The following RPS6KA2 variants were observed in gnomAD, a reference collection of about 807,000 sequenced individuals.
The protein encoded by RPS6KA2 is ribosomal protein S6 kinase A2, also known as ribosomal protein S6 kinase alpha-2.
A neutral mutation model predicts 91.8 loss-of-function variants in RPS6KA2; 42 were observed. The ratio of observed to expected loss-of-function variants is 0.46; its 90% CI spans 0.36 to 0.59. The LOEUF (loss-of-function observed/expected upper bound fraction) is 0.59. Ranked by LOEUF, RPS6KA2 falls within the 20% of genes least tolerant of loss-of-function variation. RPS6KA2 has a pLI of 0.00. For synonymous variants in RPS6KA2, 414 were observed against 393.6 expected (o/e 1.05, Z -0.61); for missense variants, 798 against 978.5 (o/e 0.82, Z 2.46).
At chr6:166,595,745 T>A (rs989409391) in intron 1 of RPS6KA2, among the ~76,000 whole-genome samples, 7 of 152,178 alleles carry the variant, frequency 4.6e-5, no homozygotes, top group Non-Finnish European at 7.3e-5. Flanking sequence ...CCTTACATGA[T>A]CTACCAGTCA....
At chr6:166,746,719 G>C (rs1791025537) in intron 2 of RPS6KA2, among the ~76,000 whole-genome samples, 1 of 152,102 alleles carries the variant, frequency 6.6e-6, no homozygotes, top group Non-Finnish European at 1.5e-5. Context: ...TTTGCTTCAA[G>C]TTCCCTCCTT....
chr6:166,569,785 C>T (rs1370548909), intron 1 of RPS6KA2, among the ~76,000 whole-genome samples: 2 of 152,134 alleles, frequency 1.3e-5, no homozygotes, highest in Non-Finnish European at 1.5e-5. Flanking sequence ...AAAGGACACC[C>T]CCCTCGGGAA....
rs745420527 is a variant in RPS6KA2 at position 166,858,198 on chromosome 6, ACTT to A, written c.122_123+1del. ...AGAGTGTAATAAAACGTGTATAGTT[ACTT>A]CTTCTGCAGTGTCTTCTGTGGTGGG... is the stretch of plus-strand genomic sequence containing the variant. On this transcript the variant is annotated splice_donor_variant and coding_sequence_variant, in exon 2 of 22. Coordinates refer to the RPS6KA2 transcript ENST00000503859. LOFTEE classifies it high-confidence loss of function. The A allele has an allele frequency of 6.6e-6, 10 of 1,504,908 alleles. No individual in the cohort carries two copies. Among genetic ancestry groups the A allele is most frequent in the Admixed American group, 1.7e-5 (1 of 59,832 alleles). The allele number at this position is 1,504,908 out of a possible 1,614,324, so 93.2% of individuals were successfully genotyped here.
chr6:166,656,839 C>T (rs776249413), intron 2 of RPS6KA2, among the ~76,000 whole-genome samples: 7 of 152,194 alleles, frequency 4.6e-5, no homozygotes, highest in Non-Finnish European at 1.0e-4. Context: ...AGATTCACCG[C>T]GGTGCATGTG....
intron 11 of RPS6KA2, among the ~76,000 whole-genome samples, chr6:166,468,027 G>A (rs141518986): frequency 1.5e-3 from 234 of 152,396 alleles, no homozygotes; most frequent in African/African-American, 5.5e-3. Context: ...TCCAGGCACA[G>A]TGCTGTGCTA....
At chr6:166,738,113 A>T (rs2128591415) in intron 2 of RPS6KA2, among the ~76,000 whole-genome samples, 1 of 152,340 alleles carries the variant, frequency 6.6e-6, no homozygotes, top group South Asian at 2.1e-4. Flanking sequence ...CTTCCCTATC[A>T]ATGAACATAT....
intron 2 of RPS6KA2, among the ~76,000 whole-genome samples, chr6:166,645,114 T>C (rs1190303738): frequency 6.6e-6 from 1 of 152,242 alleles, no homozygotes; most frequent in Non-Finnish European, 1.5e-5. Flanking sequence ...CAATTTGTAA[T>C]GCTGTCTTAT....
At chr6:166,788,571 C>T (rs1056636752) in intron 2 of RPS6KA2, among the ~76,000 whole-genome samples, 1 of 152,166 alleles carries the variant, frequency 6.6e-6, no homozygotes, top group African/African-American at 2.4e-5. Flanking sequence ...TCATCCTCAA[C>T]AAACTAACAC....
intron 2 of RPS6KA2, among the ~76,000 whole-genome samples, chr6:166,740,050 C>T (rs1243247575): frequency 6.6e-6 from 1 of 152,204 alleles, no homozygotes; most frequent in Non-Finnish European, 1.5e-5. Context: ...TGCCCAGGGC[C>T]CTGATGTCCC....
intron 2 of RPS6KA2, among the ~76,000 whole-genome samples, chr6:166,718,431 G>C (rs1790082739): frequency 6.6e-6 from 1 of 152,166 alleles, no homozygotes; most frequent in Non-Finnish European, 1.5e-5. Context: ...AGGCTTTGGA[G>C]ATCATTTTCC....
Position 166,627,011 on chromosome 6 carries a change from C to T in RPS6KA2, c.9G>A (p.Leu3=), listed in dbSNP as rs1387253343. The change falls in exon 1 of 21, where the codon CTG becomes CTA. Residue 3 remains leucine, a synonymous_variant. Coordinates refer to ENST00000265678, the MANE Select transcript of RPS6KA2 (RefSeq NM_021135.6). ...TGCGCACGGCGAACTTCTTCATGCT[C>T]AGGTCCATCGCCCCGCGCCCAGCCC... is the stretch of plus-strand genomic sequence containing the variant. The part of the protein sequence containing the change: MD[L]SMKKFAVRRF... 6.6e-7 allele frequency: 1 copy of T among 1,522,826 alleles called. No individual in the cohort carries two copies. The highest frequency in any genetic ancestry group is 8.8e-7 in the Non-Finnish European group (1 of 1,131,558). The allele number at this position is 1,522,826 out of a possible 1,614,324, so 94.3% of individuals were successfully genotyped here.
At chr6:166,550,909 C>T (rs1451456808) in intron 1 of RPS6KA2, among the ~76,000 whole-genome samples, 1 of 148,496 alleles carries the variant, frequency 6.7e-6, no homozygotes, top group African/African-American at 2.5e-5. Flanking sequence ...GCTGAGGCAG[C>T]GGAATCGCTT....
At chr6:166,599,406 C>T (rs992045984) in intron 1 of RPS6KA2, among the ~76,000 whole-genome samples, 5 of 152,066 alleles carry the variant, frequency 3.3e-5, no homozygotes, top group African/African-American at 1.2e-4. Context: ...TTATATACAC[C>T]GAATAAAATG....
chr6:166,462,674 A>C (rs1356491519), intron 11 of RPS6KA2, among the ~76,000 whole-genome samples: 2 of 152,188 alleles, frequency 1.3e-5, no homozygotes, highest in Admixed American at 1.3e-4. Flanking sequence ...TCCTAAGCCC[A>C]GGTAGTCCCG....
chr6:166,614,833 C>T (rs758293307), intron 1 of RPS6KA2, among the ~76,000 whole-genome samples: 74 of 152,210 alleles, frequency 4.9e-4, no homozygotes, highest in Non-Finnish European at 7.8e-4. Context: ...CCTCCTCTCA[C>T]GAGGACTCTT....
At chr6:166,550,659 G>A (rs1783972375) in intron 1 of RPS6KA2, among the ~76,000 whole-genome samples, 1 of 152,118 alleles carries the variant, frequency 6.6e-6, no homozygotes, top group East Asian at 1.9e-4. Context: ...GTCTCTAGGG[G>A]TGGGTGGCAA....
chr6:166,752,897 T>C (rs996227203), intron 2 of RPS6KA2, among the ~76,000 whole-genome samples: 4 of 152,258 alleles, frequency 2.6e-5, no homozygotes, highest in Non-Finnish European at 5.9e-5. Flanking sequence ...CCTTGTATAC[T>C]CTGCTGAGTA....
At chr6:166,686,576 GGC>G (rs1789023946) in intron 2 of RPS6KA2, among the ~76,000 whole-genome samples, 1 of 152,178 alleles carries the variant, frequency 6.6e-6, no homozygotes, top group South Asian at 2.1e-4. Flanking sequence ...CAGCCCATGT[GGC>G]TTAGCTTTCC....
chr6:166,802,641 C>CT (rs1779397109), intron 2 of RPS6KA2, among the ~76,000 whole-genome samples: 1 of 152,164 alleles, frequency 6.6e-6, no homozygotes, highest in African/African-American at 2.4e-5. Flanking sequence ...CTGTGATGGG[C>CT]TCCCCCAGTT....
Sources: allele counts gnomAD v4.1 joint callset (sites outside exome capture counted in the v4.1 genomes callset), GRCh38; gene constraint gnomAD v4.1.1; transcripts MANE v1.5; gene names NCBI Gene and HGNC (gene_info 2026-07-23, HGNC 2026-07-21).